The following SLC12A2 variants were observed in gnomAD, a reference collection of about 807,000 sequenced individuals.
SLC12A2 encodes solute carrier family 12 member 2.
SLC12A2 carries 67 observed loss-of-function variants against 136.3 expected under a neutral mutation model. That is an observed-to-expected ratio of 0.49 (90% CI 0.40 to 0.60). SLC12A2 has a LOEUF of 0.60. SLC12A2 is among the 20% of genes least tolerant of loss of function. The pLI is 0.00. For synonymous variants in SLC12A2, 619 were observed against 562.9 expected (o/e 1.10, Z -1.41); for missense variants, 1,322 against 1,534.7 (o/e 0.86, Z 2.32).
At chr5:128,150,662 A>G (rs1009339422) in intron 13 of SLC12A2, among the ~76,000 whole-genome samples, 31 of 151,834 alleles carry the variant, frequency 2.0e-4, no homozygotes, top group Non-Finnish European at 4.0e-4. Flanking sequence ...CTTTGGAACT[A>G]CCTACCAATG....
At chr5:128,110,744 T>C (rs1304439523) in intron 1 of SLC12A2, 7 of 1,464,254 alleles carry the variant, frequency 4.8e-6, no homozygotes, top group East Asian at 4.5e-5. Flanking sequence ...AGCGATCTGC[T>C]AGAAAAACTT....
intron 22 of SLC12A2, among the ~76,000 whole-genome samples, chr5:128,179,948 CTTTTTTTTTTTTTTTTTTTTTTTTTTTT>C (rs70997365): frequency 2.0e-5 from 1 of 50,444 alleles, no homozygotes; most frequent in Non-Finnish European, 4.0e-5. Flanking sequence ...CCAATCGTTC[CTTTTTTTTTTTTTTTTTTTTTTTTTTTT>C]TTTTTTTTTT....
At chr5:128,172,535 C>G (rs896269316) in intron 19 of SLC12A2, among the ~76,000 whole-genome samples, 2 of 152,182 alleles carry the variant, frequency 1.3e-5, no homozygotes, top group African/African-American at 4.8e-5. Context: ...TACTTTGTCT[C>G]CAATCATTAC....
chr5:128,110,377 C>T lies in SLC12A2; in HGVS notation c.757-2437C>T. 5 of 995,890 alleles carry T rather than the reference C, an allele frequency of 5.0e-6. No individual in the cohort carries two copies. In the South Asian group the frequency reaches 5.1e-5, roughly 10 times the overall value. 61.7% of individuals were successfully genotyped at this position (995,890 alleles called of 1,614,324 possible). A position where few individuals can be genotyped will look rare whatever the true frequency, so the allele number is the denominator to read the frequency against. On this transcript the variant is annotated intron_variant, in intron 1 of 26. Coordinates refer to ENST00000262461, the MANE Select transcript of SLC12A2 (RefSeq NM_001046.3). ...TCTGTGCAAGCTAACACGGGTCCTC[C>T]CTGGGAAAGCAAAAACTCCACAGCT...
chr5:128,109,834 T>TC, intron 1 of SLC12A2: 1 of 789,120 alleles, frequency 1.3e-6, no homozygotes, highest in Non-Finnish European at 2.3e-6. Flanking sequence ...AATTCCAAGG[T>TC]CAAGATGTGG....
intron 17 of SLC12A2, among the ~76,000 whole-genome samples, chr5:128,163,610 G>T (rs1763112190): frequency 6.6e-6 from 1 of 152,098 alleles, no homozygotes; most frequent in Admixed American, 6.6e-5. Flanking sequence ...TCACAGAAAT[G>T]AAAATGTAGT....
intron 10 of SLC12A2, among the ~76,000 whole-genome samples, chr5:128,144,543 A>G (rs1483425996): frequency 6.6e-6 from 1 of 152,140 alleles, no homozygotes; most frequent in Non-Finnish European, 1.5e-5. Context: ...CTATATTTCT[A>G]CATTTTAATG....
chr5:128,137,328 G>A (rs939921659), intron 7 of SLC12A2, among the ~76,000 whole-genome samples: 2 of 152,032 alleles, frequency 1.3e-5, no homozygotes, highest in African/African-American at 4.8e-5. Flanking sequence ...CTTCATATAT[G>A]TTGTTTCTCT....
chr5:128,137,983 G>T (rs1221990693), intron 7 of SLC12A2, among the ~76,000 whole-genome samples: 3 of 151,088 alleles, frequency 2.0e-5, no homozygotes, highest in African/African-American at 7.3e-5. Context: ...TGTCACCCAG[G>T]CTGGAGTGCA....
At position 128,171,749 on chromosome 5, in the gene SLC12A2, A is replaced by G; in HGVS notation, c.2803+3A>G. ...TATATCTCATCTTCAAGGACAAGGTAAATTTTGTTGGCAATAAGTTTTTTA... is the reference window on the plus strand; with the variant it reads ...TATATCTCATCTTCAAGGACAAGGTGAATTTTGTTGGCAATAAGTTTTTTA... On this transcript the variant is annotated splice_donor_region_variant and intron_variant, in intron 19 of 26. Coordinates refer to ENST00000262461, the MANE Select transcript of SLC12A2 (RefSeq NM_001046.3). 1 of 1,552,826 alleles carries G rather than the reference A, an allele frequency of 6.4e-7. No individual in the cohort carries two copies. Among genetic ancestry groups the G allele is most frequent in the Non-Finnish European group, 8.7e-7 (1 of 1,150,736 alleles).
chr5:128,159,839 A>G (rs1265028429), intron 16 of SLC12A2, among the ~76,000 whole-genome samples: 1 of 152,210 alleles, frequency 6.6e-6, no homozygotes, highest in African/African-American at 2.4e-5. Flanking sequence ...GCGATTCCTC[A>G]AGGATCTAGA....
intron 10 of SLC12A2, among the ~76,000 whole-genome samples, chr5:128,145,870 T>A (rs1367340968): frequency 6.6e-6 from 1 of 151,998 alleles, no homozygotes; most frequent in Admixed American, 6.6e-5. Flanking sequence ...ATGTTCTTAG[T>A]CAATATAAAT....
intron 16 of SLC12A2, among the ~76,000 whole-genome samples, chr5:128,160,787 T>C (rs756849391): frequency 3.9e-5 from 6 of 152,040 alleles, no homozygotes; most frequent in Non-Finnish European, 7.4e-5. Context: ...ATACCTCATG[T>C]CTCATCCCCA....
chr5:128,147,761 A>C (rs759746363), intron 11 of SLC12A2, 32 bp downstream of exon 11: 1 of 1,316,382 alleles, frequency 7.6e-7, no homozygotes, highest in Non-Finnish European at 1.1e-6. Flanking sequence ...GCTTTATTAA[A>C]GGGAGAGTTA....
At chr5:128,171,509 C>T (rs1485766625) in intron 18 of SLC12A2, among the ~76,000 whole-genome samples, 158 bp from the exon 19 acceptor site, 2 of 152,242 alleles carry the variant, frequency 1.3e-5, no homozygotes, top group African/African-American at 2.4e-5. Flanking sequence ...AACTAACATA[C>T]ATATCTCAAC....
chr5:128,164,842 G>GTTTT (rs1322595525), intron 17 of SLC12A2, among the ~76,000 whole-genome samples: 6 of 138,342 alleles, frequency 4.3e-5, no homozygotes, highest in African/African-American at 1.6e-4. Flanking sequence ...CAACAAAACT[G>GTTTT]TTTTGTTTTT....
chr5:128,116,488 C>T (rs1378131711), intron 4 of SLC12A2, among the ~76,000 whole-genome samples: 3 of 150,948 alleles, frequency 2.0e-5, no homozygotes, highest in African/African-American at 4.9e-5. Flanking sequence ...AGGGAAAGTA[C>T]GAGAGTGTGG....
Position 128,158,171 on chromosome 5 carries a change from A to T in SLC12A2, c.2475+7A>T. Reference sequence around the variant, plus strand: ...CTGTGGCCATGTACATATGGTAAGTATCAATTTTGTTTTCTTTTTCAAGTT... The same window carrying T: ...CTGTGGCCATGTACATATGGTAAGTTTCAATTTTGTTTTCTTTTTCAAGTT... On this transcript the variant is annotated splice_region_variant and intron_variant, in intron 16 of 26. Coordinates refer to ENST00000262461, the MANE Select transcript of SLC12A2 (RefSeq NM_001046.3). 6.3e-7 allele frequency: 1 copy of T among 1,588,144 alleles called. No homozygotes were observed. Among genetic ancestry groups the T allele is most frequent in the Non-Finnish European group, 8.6e-7 (1 of 1,167,550 alleles).
chr5:128,109,551 A>G, intron 1 of SLC12A2: 3 of 686,404 alleles, frequency 4.4e-6, no homozygotes, highest in Non-Finnish European at 8.1e-6. Context: ...CTGGGTGGAG[A>G]AAGGCAGCTG....
Sources: allele counts gnomAD v4.1 joint callset (sites outside exome capture counted in the v4.1 genomes callset), GRCh38; gene constraint gnomAD v4.1.1; transcripts MANE v1.5; gene names NCBI Gene and HGNC (gene_info 2026-07-23, HGNC 2026-07-21).